The following MLLT10 variants were observed in gnomAD, a reference collection of about 807,000 sequenced individuals.
MLLT10 encodes the protein MLLT10 histone lysine methyltransferase DOT1L cofactor, also known as protein AF-10.
MLLT10 carries 30 observed loss-of-function variants against 129.1 expected under a neutral mutation model. The ratio of observed to expected loss-of-function variants is 0.23; its 90% CI spans 0.17 to 0.32. MLLT10 has a LOEUF of 0.32. MLLT10 is among the 10% of genes least tolerant of loss of function. The probability of loss-of-function intolerance (pLI) is 1.00; values close to 1 mark genes in which losing one functional copy is unlikely to be tolerated. For synonymous variants in MLLT10, 490 were observed against 446.4 expected (o/e 1.10, Z -1.23); for missense variants, 1,119 against 1,268.3 (o/e 0.88, Z 1.79).
At chr10:21,549,850 G>C (rs1048049330) in intron 3 of MLLT10, among the ~76,000 whole-genome samples, 4 of 151,626 alleles carry the variant, frequency 2.6e-5, no homozygotes, top group African/African-American at 9.7e-5. Context: ...TGTCGGCCAG[G>C]CTGGTCTCAA....
chr10:21,664,950 T>C (rs1389606558), intron 9 of MLLT10, among the ~76,000 whole-genome samples: 23 of 140,910 alleles, frequency 1.6e-4, no homozygotes, highest in South Asian at 4.4e-4. Flanking sequence ...TTTTCTTTTT[T>C]TTTTTTTTTT....
intron 10 of MLLT10, 33 bp from the exon 11 acceptor site, chr10:21,673,317 A>ACCCCCCCCT (rs777214334): frequency 5.8e-6 from 1 of 172,362 alleles, no homozygotes; most frequent in African/African-American, 1.2e-4. Context: ...CCACCCCCCA[A>ACCCCCCCCT]CTTTTTTTTT....
chr10:21,624,810 C>T (rs2046262797), intron 8 of MLLT10: 2 of 1,060,502 alleles, frequency 1.9e-6, no homozygotes, highest in South Asian at 2.9e-5. Context: ...GCCCTGAGAT[C>T]CACGGGAACC....
intron 3 of MLLT10, among the ~76,000 whole-genome samples, chr10:21,548,415 G>A (rs541311173): frequency 6.6e-6 from 1 of 150,730 alleles, no homozygotes; most frequent in African/African-American, 2.4e-5. Flanking sequence ...TGTTGCCCAG[G>A]CTGGAGTGCA....
At chr10:21,691,244 A>G (rs895115452) in intron 13 of MLLT10, among the ~76,000 whole-genome samples, 1 of 152,100 alleles carries the variant, frequency 6.6e-6, no homozygotes, top group Non-Finnish European at 1.5e-5. Flanking sequence ...TGCAGAAACT[A>G]TGTCCCAATC....
At chr10:21,645,126 A>G (rs1032569179) in intron 8 of MLLT10, among the ~76,000 whole-genome samples, 2 of 152,178 alleles carry the variant, frequency 1.3e-5, no homozygotes, top group Non-Finnish European at 2.9e-5. Context: ...TTTCGGTTAT[A>G]TTCTCAGAAT....
Position 21,586,899 on chromosome 10 carries a change from A to AT in MLLT10, c.295+559dup, listed in dbSNP as rs930816913. ...GAGACTGTCTCCAAAAAAAAAAAGTATTTTTTTTAAATGGATATAGTTTCT... is the reference window on the plus strand; with the variant it reads ...GAGACTGTCTCCAAAAAAAAAAAGTATTTTTTTTTAAATGGATATAGTTTCT... On this transcript the variant is annotated intron_variant, in intron 4 of 22. Coordinates refer to ENST00000307729, the MANE Select transcript of MLLT10 (RefSeq NM_001195626.3). Among the ~76,000 whole-genome samples, 23 of 150,490 alleles carry AT rather than the reference A, an allele frequency of 1.5e-4. 1 individual carries two copies. The highest frequency in any genetic ancestry group is 9.9e-4 in the Admixed American group (15 of 15,094).
chr10:21,694,289 A>G (rs557419190), intron 13 of MLLT10, among the ~76,000 whole-genome samples: 43 of 152,320 alleles, frequency 2.8e-4, no homozygotes, highest in South Asian at 4.1e-4. Context: ...GCAGTTGTCA[A>G]TGTTTTTGGA....
At chr10:21,592,440 GT>G (rs869260444) in intron 4 of MLLT10, among the ~76,000 whole-genome samples, 38 of 144,034 alleles carry the variant, frequency 2.6e-4, no homozygotes, top group Middle Eastern at 3.5e-3. Flanking sequence ...GTTTTCTGTA[GT>G]TTTTTTTTTT....
chr10:21,648,601 A>G (rs954990473), intron 8 of MLLT10, among the ~76,000 whole-genome samples: 3 of 152,184 alleles, frequency 2.0e-5, no homozygotes, highest in African/African-American at 7.2e-5. Context: ...TTGTAGGGAG[A>G]AAAACATTGA....
intron 3 of MLLT10, among the ~76,000 whole-genome samples, chr10:21,572,288 G>A (rs2040284655): frequency 6.6e-6 from 1 of 152,112 alleles, no homozygotes; most frequent in African/African-American, 2.4e-5. Context: ...TGATAATTTT[G>A]TAACTTTATA....
intron 13 of MLLT10, among the ~76,000 whole-genome samples, chr10:21,704,357 C>CTCTATATA (rs1343170893): frequency 6.3e-5 from 7 of 111,878 alleles, no homozygotes; most frequent in African/African-American, 1.1e-4. Flanking sequence ...CTCTCTCTCT[C>CTCTATATA]TATATATATA....
At chr10:21,533,978 G>A (rs910297749), upstream of MLLT10, among the ~76,000 whole-genome samples, 3 of 152,006 alleles carry the variant, frequency 2.0e-5, no homozygotes, top group Non-Finnish European at 4.4e-5. Flanking sequence ...CGCGGCCCGC[G>A]CCACCAGCGC....
chr10:21,631,039 G>A (rs570758482), intron 8 of MLLT10, among the ~76,000 whole-genome samples: 6 of 152,168 alleles, frequency 3.9e-5, no homozygotes, highest in African/African-American at 1.2e-4. Flanking sequence ...CGTCGGGCGC[G>A]GTGGCTCAAG....
At chr10:21,741,733 C>G (rs2131602186) in intron 22 of MLLT10, among the ~76,000 whole-genome samples, 1 of 152,200 alleles carries the variant, frequency 6.6e-6, no homozygotes, top group Admixed American at 6.5e-5. Flanking sequence ...CCTCTTTGGT[C>G]TTTTTATACT....
At chr10:21,597,536 A>C (rs2043136775) in intron 5 of MLLT10, among the ~76,000 whole-genome samples, 1 of 151,954 alleles carries the variant, frequency 6.6e-6, no homozygotes, top group South Asian at 2.1e-4. Flanking sequence ...CATCCAGCTA[A>C]TTTTTTTGTG....
chr10:21,641,714 A>G (rs1035063780), intron 8 of MLLT10, among the ~76,000 whole-genome samples: 5 of 152,190 alleles, frequency 3.3e-5, no homozygotes, highest in African/African-American at 1.2e-4. Flanking sequence ...TAAGTTTAAT[A>G]ATAGAAATTA....
At chr10:21,663,974 C>T (rs2050481616) in intron 9 of MLLT10, among the ~76,000 whole-genome samples, 1 of 152,110 alleles carries the variant, frequency 6.6e-6, no homozygotes, top group South Asian at 2.1e-4. Context: ...CTCTCTGCTC[C>T]TTATATGCTC....
intron 3 of MLLT10, among the ~76,000 whole-genome samples, chr10:21,566,496 T>G (rs887679907): frequency 9.9e-5 from 15 of 151,498 alleles, no homozygotes; most frequent in Admixed American, 3.3e-4. Flanking sequence ...CCCAGCTAAT[T>G]TTTATATTTT....
Sources: gnomAD v4.1 joint callset for allele counts (sites outside exome capture counted in the v4.1 genomes callset) on GRCh38, gnomAD v4.1.1 for gene constraint, MANE v1.5 for transcripts, NCBI Gene and HGNC (gene_info 2026-07-23, HGNC 2026-07-21) for gene names.